Variants in NARF observed in about 807,000 individuals in gnomAD.
NARF encodes the protein iron-only hydrogenase-like protein 2.
A neutral mutation model predicts 48.0 loss-of-function variants in NARF; 41 were observed. That is an observed-to-expected ratio of 0.85 (90% CI 0.66 to 1.11). The LOEUF is 1.11. Ranked by LOEUF, NARF falls within the 50% of genes least tolerant of loss-of-function variation. NARF has a pLI of 0.00. For synonymous variants in NARF, 215 were observed against 225.5 expected, an observed-to-expected ratio of 0.95 and a Z score of 0.42; for missense variants, 613 against 590.2, an observed-to-expected ratio of 1.04 and a Z score of -0.40.
At chr17:82,481,302 C>T (rs539887348) in intron 7 of NARF, 91 bp downstream of exon 7, 2 of 1,557,290 alleles carry the variant, frequency 1.3e-6, no homozygotes, top group African/African-American at 1.4e-5. Flanking sequence ...GTCCCAGAGC[C>T]ATCTCAGTGC....
At chr17:82,458,522 G>C (rs1369440214), upstream of NARF, 1 of 393,980 alleles carries the variant, frequency 2.5e-6, no homozygotes. Flanking sequence ...CGTGGAGTGA[G>C]CCTGCGGTCC....
At chr17:82,483,513 T>G (rs2044021201) in intron 7 of NARF, 2 of 545,564 alleles carry the variant, frequency 3.7e-6, no homozygotes, top group South Asian at 4.2e-5. Context: ...GAAAGAGGAG[T>G]TAGAATTGAA....
chr17:82,487,374 C>T (rs2044118737), intron 10 of NARF, among the ~76,000 whole-genome samples: 1 of 151,660 alleles, frequency 6.6e-6, no homozygotes, highest in Non-Finnish European at 1.5e-5. Context: ...ACCCCAGGTA[C>T]TTGGGAGACT....
At chr17:82,468,331 C>T (rs1387537276) in intron 3 of NARF, among the ~76,000 whole-genome samples, 2 of 150,512 alleles carry the variant, frequency 1.3e-5, no homozygotes, top group African/African-American at 2.4e-5. Flanking sequence ...TTTACTGTAG[C>T]CTGGGCAACA....
chr17:82,472,948 A>AT (rs1212796573), intron 5 of NARF, among the ~76,000 whole-genome samples: 3,549 of 149,474 alleles, frequency 0.024, 140 homozygotes, highest in African/African-American at 0.083. Context: ...TATTTTTATT[A>AT]TTTTTTTTTT....
At chr17:82,466,977 G>A (rs1049137039) in intron 3 of NARF, among the ~76,000 whole-genome samples, 4 of 151,508 alleles carry the variant, frequency 2.6e-5, no homozygotes, top group Admixed American at 2.6e-4. Context: ...ACGGGCATAA[G>A]CCACCGTACC....
chr17:82,458,930 G>A (rs2043356938), intron 1 of NARF, 100 bp downstream of exon 1: 2 of 1,245,182 alleles, frequency 1.6e-6, no homozygotes, highest in Admixed American at 8.4e-5. Context: ...GCTCGCTTCA[G>A]GGCTCTTCAA....
Position 82,485,548 on chromosome 17 carries a change from AC to A in NARF, c.1024del (p.Arg342AlafsTer14). 1.9e-6 allele frequency: 3 copies of A among 1,614,266 alleles called. No individual in the cohort carries two copies. Among genetic ancestry groups the A allele is most frequent in the Non-Finnish European group, 2.5e-6 (3 of 1,180,052 alleles). On this transcript the variant is annotated frameshift_variant, in exon 10 of 11. Transcript: ENST00000309794. LOFTEE classifies it high-confidence loss of function. ...TLEKNGEVVL[R>X]FAAAYGFRNI... The stretch of plus-strand genomic sequence containing the variant: ...TTGAGAAGAACGGAGAGGTGGTGTT[AC>A]GCTTTGCTGCAGCCTATGGCTTTCG...
chr17:82,467,615 C>T (rs2043600429), intron 3 of NARF, among the ~76,000 whole-genome samples: 1 of 152,204 alleles, frequency 6.6e-6, no homozygotes, highest in African/African-American at 2.4e-5. Flanking sequence ...AGCGATTCTT[C>T]TGCCTCAGCC....
chr17:82,464,954 C>G (rs1191119199), intron 3 of NARF, among the ~76,000 whole-genome samples: 1 of 152,178 alleles, frequency 6.6e-6, no homozygotes, highest in Non-Finnish European at 1.5e-5. Flanking sequence ...TTGTATTAGT[C>G]CATTCTCACA....
chr17:82,466,477 G>A (rs1254992440), intron 3 of NARF, among the ~76,000 whole-genome samples: 1 of 152,036 alleles, frequency 6.6e-6, no homozygotes, highest in African/African-American at 2.4e-5. Context: ...TTCTGAGATG[G>A]AGTCTCTCAC....
chr17:82,461,661 A>T (rs780291721), intron 2 of NARF, among the ~76,000 whole-genome samples: 2 of 152,216 alleles, frequency 1.3e-5, no homozygotes, highest in Non-Finnish European at 2.9e-5. Context: ...CCCAGAAGGA[A>T]CATTACATGT....
chr17:82,479,699 A>G (rs2143927666), intron 6 of NARF, among the ~76,000 whole-genome samples: 1 of 152,358 alleles, frequency 6.6e-6, no homozygotes, highest in Middle Eastern at 3.4e-3. Flanking sequence ...TAACATCAGG[A>G]TCTTTCAGAC....
Position 82,488,378 on chromosome 17 carries a change from T to TC in NARF, c.*221_*222insC. On this transcript the variant is annotated 3_prime_UTR_variant, in exon 11 of 11. Transcript: ENST00000309794. ...TAGGTGTGGGATTGGAACTTTTTTT[T>TC]TCTTTTTTTTTTTTTGAGACGGAGT... is the stretch of plus-strand genomic sequence containing the variant. 3.1e-6 allele frequency: 2 copies of TC among 649,224 alleles called. No homozygotes were observed. The highest frequency in any genetic ancestry group is 2.7e-5 in the South Asian group (1 of 37,146). 40.2% of individuals were successfully genotyped at this position (649,224 alleles called of 1,614,324 possible).
chr17:82,465,098 G>GAAGC (rs2043532629), intron 3 of NARF, among the ~76,000 whole-genome samples: 1 of 152,156 alleles, frequency 6.6e-6, no homozygotes, highest in African/African-American at 2.4e-5. Context: ...GGGTGAAGGG[G>GAAGC]AAGCAAGCAT....
chr17:82,483,832 C>A (rs2044031040), intron 8 of NARF, 53 bp downstream of exon 8: 1 of 1,563,066 alleles, frequency 6.4e-7, no homozygotes, highest in Non-Finnish European at 8.8e-7. Context: ...TCTCGTCAGC[C>A]CTGCCAGCCA....
intron 1 of NARF, 21 bp downstream of exon 1, chr17:82,458,851 A>T (rs1288106449): frequency 2.2e-6 from 3 of 1,394,158 alleles, no homozygotes; most frequent in Non-Finnish European, 2.8e-6. Flanking sequence ...CGGGCCGGGG[A>T]GGCGCGCGCC....
In NARF at chr17:82,464,263, A is replaced by G. The variant is rs1182530772; in HGVS notation, c.109-24A>G. Reference sequence around the variant, plus strand: ...ATTAAAGAGTATTTGTTGAATAATCATGCTGAAACGTCATCTTTCATAGAA... The same window carrying G: ...ATTAAAGAGTATTTGTTGAATAATCGTGCTGAAACGTCATCTTTCATAGAA... On this transcript the variant is annotated intron_variant, in intron 2 of 10. Coordinates refer to ENST00000309794, the MANE Select transcript of NARF (RefSeq NM_012336.4). 5 of 1,609,366 alleles carry G rather than the reference A, an allele frequency of 3.1e-6. No individual in the cohort carries two copies. In the Admixed American group the frequency reaches 5.1e-5, roughly 16 times the overall value.
intron 5 of NARF, among the ~76,000 whole-genome samples, chr17:82,475,029 C>G (rs1193061511): frequency 6.6e-6 from 1 of 152,112 alleles, no homozygotes; most frequent in Non-Finnish European, 1.5e-5. Context: ...GGTGTGTTTC[C>G]AGGTGTAAAG....
Sources: gnomAD v4.1 joint callset for allele counts (sites outside exome capture counted in the v4.1 genomes callset) on GRCh38, gnomAD v4.1.1 for gene constraint, MANE v1.5 for transcripts, NCBI Gene and HGNC (gene_info 2026-07-23, HGNC 2026-07-21) for gene names.